Variants in HTR1F observed in about 807,000 individuals in gnomAD.
HTR1F encodes 5-hydroxytryptamine receptor 1F.
Under a neutral mutation model 24.0 loss-of-function variants are expected in HTR1F, and 17 were observed. The observed-to-expected ratio is 0.71, with a 90% CI of 0.48 to 1.06. The LOEUF (loss-of-function observed/expected upper bound fraction) is 1.06. HTR1F is among the 50% of genes least tolerant of loss of function. The probability of loss-of-function intolerance (pLI) is 0.00; values close to 1 mark genes in which losing one functional copy is unlikely to be tolerated. For missense variants in HTR1F, 391 were observed against 427.8 expected (o/e 0.91, Z 0.76); for synonymous variants, 186 against 156.8 (o/e 1.19, Z -1.39).
At chr3:87,862,849 C>G (rs1335539716) in intron 2 of HTR1F, among the ~76,000 whole-genome samples, 1 of 152,010 alleles carries the variant, frequency 6.6e-6, no homozygotes, top group East Asian at 1.9e-4. Context: ...CAGTCACTCA[C>G]TCTGTCACCC....
At chr3:87,862,444 T>G (rs1575958596) in intron 2 of HTR1F, among the ~76,000 whole-genome samples, 1 of 152,208 alleles carries the variant, frequency 6.6e-6, no homozygotes, top group East Asian at 1.9e-4. Flanking sequence ...GCTGAGTAGT[T>G]TTACCATCTT....
chr3:87,902,726 C>A (rs898361879), intron 2 of HTR1F, among the ~76,000 whole-genome samples: 5 of 148,880 alleles, frequency 3.4e-5, no homozygotes, highest in African/African-American at 1.2e-4. Context: ...TTAGGTATAT[C>A]TCCTAAAGCT....
At chr3:87,975,644 C>T (rs1458926476) in intron 2 of HTR1F, among the ~76,000 whole-genome samples, 1 of 131,822 alleles carries the variant, frequency 7.6e-6, no homozygotes, top group Admixed American at 8.3e-5. Flanking sequence ...AGATACCCTT[C>T]TTATTTAAAA....
chr3:87,879,496 T>C (rs1280761430), intron 2 of HTR1F, among the ~76,000 whole-genome samples: 1 of 152,156 alleles, frequency 6.6e-6, no homozygotes, highest in East Asian at 1.9e-4. Context: ...TAGCCAAGAA[T>C]CTGCCCTAGC....
intron 2 of HTR1F, among the ~76,000 whole-genome samples, chr3:87,841,083 T>C (rs970112613): frequency 5.1e-4 from 77 of 151,954 alleles, no homozygotes; most frequent in African/African-American, 1.7e-3. Context: ...TAAATATTCT[T>C]GGCACAGAGA....
chr3:87,899,863 AAAAC>A (rs373054064), intron 2 of HTR1F, among the ~76,000 whole-genome samples: 14 of 152,304 alleles, frequency 9.2e-5, no homozygotes, highest in South Asian at 2.1e-4. Context: ...ATTCTGTCTC[AAAAC>A]AAACAAACAA....
intron 1 of HTR1F, among the ~76,000 whole-genome samples, chr3:87,819,574 T>A (rs1575905392): frequency 6.6e-6 from 1 of 152,112 alleles, no homozygotes; most frequent in South Asian, 2.1e-4. Context: ...ATGCCTTTTT[T>A]AAAAATAATT....
chr3:87,821,990 AT>A lies in HTR1F; in HGVS notation c.-159-16del, dbSNP rs1704369019. 6.6e-6 allele frequency among the ~76,000 whole-genome samples: 1 copy of A among 152,152 alleles called. No individual in the cohort carries two copies. The highest frequency in any genetic ancestry group is 2.1e-4 in the South Asian group (1 of 4,832). ...GAAGAGACAAGAAATGATTTGTTTT[AT>A]TCTTTGCTTTTTTAAGGAGGAGTTT... is the stretch of plus-strand genomic sequence containing the variant. On this transcript the variant is annotated splice_polypyrimidine_tract_variant and intron_variant, in intron 1 of 2. Transcript: ENST00000319595.
At chr3:87,856,761 A>G (rs1705207519) in intron 2 of HTR1F, among the ~76,000 whole-genome samples, 1 of 152,170 alleles carries the variant, frequency 6.6e-6, no homozygotes, top group Non-Finnish European at 1.5e-5. Flanking sequence ...CCATGTAAAT[A>G]TGTGCATTCA....
At chr3:87,988,945 G>A (rs1299403447) in intron 2 of HTR1F, among the ~76,000 whole-genome samples, 2 of 151,922 alleles carry the variant, frequency 1.3e-5, no homozygotes, top group African/African-American at 4.8e-5. Flanking sequence ...TGAAGTACTT[G>A]ATATAAAAAT....
chr3:87,909,799 AG>A (rs1245127044), intron 2 of HTR1F, among the ~76,000 whole-genome samples: 1 of 151,998 alleles, frequency 6.6e-6, no homozygotes, highest in Non-Finnish European at 1.5e-5. Context: ...AAGGTCTCTC[AG>A]TTGGTCTAAG....
intron 1 of HTR1F, among the ~76,000 whole-genome samples, chr3:87,793,983 AG>A (rs1282616873): frequency 3.8e-5 from 2 of 52,078 alleles, no homozygotes; most frequent in Admixed American, 3.2e-4. Flanking sequence ...AAAAAAAAAA[AG>A]AGAGAGAGAA....
chr3:87,883,867 A>T (rs1291473590), intron 2 of HTR1F, among the ~76,000 whole-genome samples: 1 of 152,234 alleles, frequency 6.6e-6, no homozygotes, highest in African/African-American at 2.4e-5. Flanking sequence ...TCTATGTTTG[A>T]TTGGTGCACC....
chr3:87,893,885 A>T (rs1377448227), intron 2 of HTR1F, among the ~76,000 whole-genome samples: 1 of 152,222 alleles, frequency 6.6e-6, no homozygotes, highest in African/African-American at 2.4e-5. Context: ...CCACTTGTCC[A>T]TACACATTGT....
At chr3:87,842,457 C>T (rs1704830501) in intron 2 of HTR1F, among the ~76,000 whole-genome samples, 1 of 151,670 alleles carries the variant, frequency 6.6e-6, no homozygotes, top group Admixed American at 6.6e-5. Flanking sequence ...CCACCGCACC[C>T]GGCCAAAACA....
intron 1 of HTR1F, among the ~76,000 whole-genome samples, chr3:87,815,489 A>T (rs149759872): frequency 7.8e-4 from 118 of 152,222 alleles, no homozygotes; most frequent in African/African-American, 2.7e-3. Context: ...AGATGCATAC[A>T]TTGTATTGAC....
chr3:87,795,494 C>T (rs1467347709), intron 1 of HTR1F, among the ~76,000 whole-genome samples: 1 of 151,704 alleles, frequency 6.6e-6, no homozygotes, highest in African/African-American at 2.4e-5. Context: ...TCTTTTTTTT[C>T]CAATATGAAA....
chr3:87,934,769 C>T (rs532049932), intron 2 of HTR1F, among the ~76,000 whole-genome samples: 2 of 152,156 alleles, frequency 1.3e-5, no homozygotes, highest in Admixed American at 1.3e-4. Flanking sequence ...CACATCACCC[C>T]CAAGAGGGAA....
chr3:87,980,615 C>T (rs1340361287), intron 2 of HTR1F, among the ~76,000 whole-genome samples: 3 of 152,102 alleles, frequency 2.0e-5, no homozygotes, highest in Non-Finnish European at 4.4e-5. Flanking sequence ...TGCTCCTTTC[C>T]ACCCAGGAGC....
Sources: allele counts gnomAD v4.1 joint callset (sites outside exome capture counted in the v4.1 genomes callset), GRCh38; gene constraint gnomAD v4.1.1; transcripts MANE v1.5; gene names NCBI Gene and HGNC (gene_info 2026-07-23, HGNC 2026-07-21).